Variants in DCLK1 observed in about 807,000 individuals in gnomAD.
DCLK1 encodes the protein doublecortin like kinase 1.
Under a neutral mutation model 86.2 loss-of-function variants are expected in DCLK1, and 16 were observed. The ratio of observed to expected loss-of-function variants is 0.19; its 90% CI spans 0.13 to 0.28. The LOEUF (loss-of-function observed/expected upper bound fraction) is 0.28. Ranked by LOEUF, DCLK1 falls within the 10% of genes least tolerant of loss-of-function variation. The pLI is 1.00. For synonymous variants in DCLK1, 369 were observed against 370.5 expected, an observed-to-expected ratio of 1.00 and a Z score of 0.05; for missense variants, 590 against 940.2, an observed-to-expected ratio of 0.63 and a Z score of 4.87.
At chr13:35,813,686 C>T (rs551399432) in intron 11 of DCLK1, among the ~76,000 whole-genome samples, 1 of 150,140 alleles carries the variant, frequency 6.7e-6, no homozygotes, top group South Asian at 2.1e-4. Context: ...CTTTTTATTC[C>T]CTGTACAATG....
chr13:35,881,999 T>C (rs1257883278), intron 4 of DCLK1, among the ~76,000 whole-genome samples: 1 of 152,218 alleles, frequency 6.6e-6, no homozygotes, highest in Non-Finnish European at 1.5e-5. Context: ...TTTTCCAAAG[T>C]GTATGCTTTA....
intron 4 of DCLK1, among the ~76,000 whole-genome samples, chr13:35,938,020 C>T (rs374542495): frequency 5.9e-5 from 9 of 151,800 alleles, no homozygotes; most frequent in Non-Finnish European, 1.2e-4. Flanking sequence ...AGAACACTGA[C>T]GAGGCAAGGT....
intron 4 of DCLK1, among the ~76,000 whole-genome samples, chr13:35,899,733 C>T (rs1250634657): frequency 6.6e-6 from 1 of 152,106 alleles, no homozygotes; most frequent in African/African-American, 2.4e-5. Context: ...CCATAACTTA[C>T]AACTTTGGAA....
At chr13:35,809,134 C>T (rs563511019) in intron 12 of DCLK1, 39 bp from the exon 13 acceptor site, 1 of 1,550,150 alleles carries the variant, frequency 6.5e-7, no homozygotes, top group African/African-American at 1.4e-5. Context: ...GAGGGTCAGG[C>T]TCGGACAAAT....
chr13:36,015,427 A>G (rs1881502454), intron 3 of DCLK1, among the ~76,000 whole-genome samples: 1 of 152,126 alleles, frequency 6.6e-6, no homozygotes, highest in Non-Finnish European at 1.5e-5. Context: ...AATTTTTTCC[A>G]ATGGGGGAGT....
intron 2 of DCLK1, among the ~76,000 whole-genome samples, chr13:36,114,296 G>T (rs917655508): frequency 1.3e-5 from 2 of 152,172 alleles, no homozygotes; most frequent in Non-Finnish European, 2.9e-5. Context: ...TGCTGGTTTG[G>T]TTCAAGCAAC....
At chr13:35,952,772 T>G (rs1877771633) in intron 3 of DCLK1, among the ~76,000 whole-genome samples, 1 of 152,210 alleles carries the variant, frequency 6.6e-6, no homozygotes, top group Non-Finnish European at 1.5e-5. Flanking sequence ...TGTTGAATTT[T>G]TTTTAACTCC....
rs548370259 is a variant in DCLK1 at position 35,868,022 on chromosome 13, CTT to C, written c.940+3200_940+3201del. 9.0e-3 allele frequency among the ~76,000 whole-genome samples: 1,071 copies of C among 118,514 alleles called. 15 individuals are homozygous for C. The highest frequency in any genetic ancestry group is 0.035 in the African/African-American group (1,013 of 28,912). The allele number at this position is 118,514 out of a possible 152,430, so 77.7% of individuals were successfully genotyped here. On this transcript the variant is annotated intron_variant, in intron 5 of 16. Coordinates refer to ENST00000360631, the MANE Select transcript of DCLK1 (RefSeq NM_001330071.2). The stretch of plus-strand genomic sequence containing the variant: ...CTAGAGTATCTAACAACCTACAGCT[CTT>C]TTTTTTTTTTTTTTTTGAGATGGAG...
chr13:36,013,829 C>A (rs1346626978), intron 3 of DCLK1, among the ~76,000 whole-genome samples: 2 of 152,208 alleles, frequency 1.3e-5, no homozygotes, highest in African/African-American at 4.8e-5. Flanking sequence ...CCCCCAGCCT[C>A]TCTGCCGCCT....
chr13:35,808,361 T>C (rs758797467), intron 13 of DCLK1, 41 bp from the exon 14 acceptor site: 2 of 1,532,126 alleles, frequency 1.3e-6, no homozygotes, highest in Admixed American at 1.7e-5. Flanking sequence ...AGCACTAAGA[T>C]ATCAACTCAG....
In DCLK1 at chr13:36,078,310, C is replaced by T. The variant is rs553884935; in HGVS notation, c.723+33559G>A. On this transcript the variant is annotated intron_variant, in intron 3 of 16. Coordinates refer to ENST00000360631, the MANE Select transcript of DCLK1 (RefSeq NM_001330071.2). ...CAGTCTATACTATTCTAGAACAGCA[C>T]CTCAAACAGACTAAGACAATAAGCA... Among the ~76,000 whole-genome samples, 4 of 152,246 alleles carry T rather than the reference C, an allele frequency of 2.6e-5. No homozygotes were observed. The East Asian group carries it at 7.7e-4, about 29-fold the overall frequency.
chr13:35,946,712 G>A (rs772497274), intron 4 of DCLK1, among the ~76,000 whole-genome samples: 1 of 152,202 alleles, frequency 6.6e-6, no homozygotes, highest in Non-Finnish European at 1.5e-5. Flanking sequence ...ACCTGTGATA[G>A]TGCTAAGATT....
chr13:35,915,444 T>C (rs1172097927), intron 4 of DCLK1, among the ~76,000 whole-genome samples: 2 of 152,202 alleles, frequency 1.3e-5, no homozygotes, highest in African/African-American at 4.8e-5. Flanking sequence ...CACACACCTG[T>C]AATCCCAGCA....
intron 3 of DCLK1, among the ~76,000 whole-genome samples, chr13:35,993,086 G>A (rs1421205256): frequency 2.0e-5 from 3 of 152,094 alleles, no homozygotes; most frequent in Admixed American, 2.0e-4. Flanking sequence ...TAATATGTGG[G>A]TCCAGCACAA....
intron 5 of DCLK1, among the ~76,000 whole-genome samples, chr13:35,857,226 G>C (rs1871112117): frequency 6.6e-6 from 1 of 152,042 alleles, no homozygotes; most frequent in Admixed American, 6.5e-5. Context: ...CCCTTCTCTA[G>C]GGCATGTGCA....
At chr13:35,849,093 A>C (rs1369858458) in intron 6 of DCLK1, 1 of 985,262 alleles carries the variant, frequency 1.0e-6, no homozygotes, top group Non-Finnish European at 1.2e-6. Flanking sequence ...AGACAGCATA[A>C]TGAGGCACTA....
intron 3 of DCLK1, among the ~76,000 whole-genome samples, chr13:36,083,431 A>G (rs1337762455): frequency 1.3e-5 from 2 of 152,374 alleles, no homozygotes; most frequent in East Asian, 3.9e-4. Context: ...AGCCTGTCGA[A>G]CAAATGGGAT....
At chr13:35,935,124 T>A (rs1876684231) in intron 4 of DCLK1, among the ~76,000 whole-genome samples, 1 of 152,074 alleles carries the variant, frequency 6.6e-6, no homozygotes, top group African/African-American at 2.4e-5. Context: ...TGAGGCAATA[T>A]GAGCAAAAGC....
intron 16 of DCLK1, among the ~76,000 whole-genome samples, chr13:35,777,767 C>A (rs2086449203): frequency 1.3e-5 from 2 of 152,224 alleles, no homozygotes; most frequent in Non-Finnish European, 2.9e-5. Flanking sequence ...GGATTCCCAA[C>A]TGACCTGCTC....
Sources: allele counts gnomAD v4.1 joint callset (sites outside exome capture counted in the v4.1 genomes callset), GRCh38; gene constraint gnomAD v4.1.1; transcripts MANE v1.5; gene names NCBI Gene and HGNC (gene_info 2026-07-23, HGNC 2026-07-21).